PTPRT: variants seen among roughly 807,000 people sequenced by gnomAD.
The protein encoded by PTPRT is protein tyrosine phosphatase receptor type T, also known as receptor-type tyrosine-protein phosphatase T.
A neutral mutation model predicts 176.8 loss-of-function variants in PTPRT; 56 were observed. The observed-to-expected ratio is 0.32, with a 90% confidence interval of 0.26 to 0.40. The LOEUF (loss-of-function observed/expected upper bound fraction) is 0.40, where lower values mean the gene tolerates loss of function less well. Among genes scored for constraint, PTPRT ranks in the 10% least tolerant of loss-of-function variants. The pLI is 1.00. For missense variants in PTPRT, 1,540 were observed against 1,908.2 expected (o/e 0.81, Z 3.60); for synonymous variants, 783 against 739.0 (o/e 1.06, Z -0.96).
intron 12 of PTPRT, among the ~76,000 whole-genome samples, chr20:42,292,802 G>A (rs2057337353): frequency 1.3e-5 from 2 of 152,148 alleles, no homozygotes; most frequent in South Asian, 4.1e-4. Context: ...GATAAGATCT[G>A]GAATCCTTGA....
At chr20:42,118,013 A>G (rs981380187) in intron 21 of PTPRT, among the ~76,000 whole-genome samples, 5 of 152,186 alleles carry the variant, frequency 3.3e-5, no homozygotes, top group Non-Finnish European at 7.3e-5. Flanking sequence ...AGCCATAGGA[A>G]ACAGTTGACA....
chr20:42,283,165 T>C (rs939538297), intron 12 of PTPRT, among the ~76,000 whole-genome samples: 1 of 152,148 alleles, frequency 6.6e-6, no homozygotes, highest in African/African-American at 2.4e-5. Flanking sequence ...GATTCATAAA[T>C]GTGTGATGTT....
chr20:42,240,571 CA>C (rs775278698), intron 14 of PTPRT, among the ~76,000 whole-genome samples: 21 of 152,308 alleles, frequency 1.4e-4, no homozygotes, highest in Non-Finnish European at 2.5e-4. Context: ...ACAATTTAAA[CA>C]GGACAAAGTT....
chr20:42,520,092 T>C (rs1281861439), intron 7 of PTPRT, among the ~76,000 whole-genome samples: 2 of 152,128 alleles, frequency 1.3e-5, no homozygotes, highest in East Asian at 1.9e-4. Context: ...TTGCCCAGAG[T>C]ATCTTATTCT....
rs563771341 is a variant in PTPRT, at chr20:43,015,166, C to A, written c.89-129234G>T. 1.7e-4 allele frequency among the ~76,000 whole-genome samples: 26 copies of A among 152,310 alleles called. 1 individual carries two copies. In the South Asian group the frequency reaches 5.4e-3, roughly 32 times the overall value. ...AACTTGTACGCTAAGGCACTTGTATCTTAGAAAACAGAGAGGTAGAGGGAG... is the reference window on the plus strand; with the variant it reads ...AACTTGTACGCTAAGGCACTTGTATATTAGAAAACAGAGAGGTAGAGGGAG... On this transcript the variant is annotated intron_variant, in intron 1 of 30. Coordinates refer to ENST00000373187, the MANE Select transcript of PTPRT (RefSeq NM_007050.6).
At chr20:43,170,619 A>G (rs2014973034) in intron 1 of PTPRT, among the ~76,000 whole-genome samples, 1 of 152,226 alleles carries the variant, frequency 6.6e-6, no homozygotes, top group Non-Finnish European at 1.5e-5. Context: ...CACCACTGCT[A>G]CTATCCCTCA....
At chr20:42,200,984 A>G (rs1991425652) in intron 15 of PTPRT, among the ~76,000 whole-genome samples, 1 of 152,238 alleles carries the variant, frequency 6.6e-6, no homozygotes, top group Non-Finnish European at 1.5e-5. Flanking sequence ...AAGAGGTAAC[A>G]ATCTCCCTGC....
At chr20:42,349,163 C>T (rs150412732) in intron 11 of PTPRT, among the ~76,000 whole-genome samples, 103 of 152,292 alleles carry the variant, frequency 6.8e-4, no homozygotes, top group African/African-American at 2.4e-3. Flanking sequence ...TCCTAGCCTC[C>T]AGTGACACAA....
intron 6 of PTPRT, among the ~76,000 whole-genome samples, chr20:42,730,602 C>G (rs2076446103): frequency 6.6e-6 from 1 of 152,250 alleles, no homozygotes; most frequent in South Asian, 2.1e-4. Context: ...CTCAGGGAAC[C>G]AAATGCTGTC....
intron 8 of PTPRT, among the ~76,000 whole-genome samples, chr20:42,470,338 G>T (rs919307220): frequency 6.6e-6 from 1 of 152,166 alleles, no homozygotes; most frequent in Non-Finnish European, 1.5e-5. Flanking sequence ...GGCCCACCCT[G>T]AACAGTTCCC....
At chr20:42,900,189 T>C (rs1013870852) in intron 1 of PTPRT, among the ~76,000 whole-genome samples, 2 of 152,192 alleles carry the variant, frequency 1.3e-5, no homozygotes, top group Non-Finnish European at 2.9e-5. Context: ...TAGCAGGTGG[T>C]AGAAGAAAAT....
At chr20:42,357,835 G>A (rs1407710355) in intron 9 of PTPRT, among the ~76,000 whole-genome samples, 2 of 152,118 alleles carry the variant, frequency 1.3e-5, no homozygotes, top group East Asian at 3.9e-4. Flanking sequence ...GATCACTTGA[G>A]CCCTGGAGGT....
chr20:42,471,496 C>T (rs976918339), intron 8 of PTPRT, among the ~76,000 whole-genome samples: 1 of 152,204 alleles, frequency 6.6e-6, no homozygotes, highest in Non-Finnish European at 1.5e-5. Context: ...CCTACTTCAT[C>T]TTCCACCATG....
chr20:42,663,822 T>C (rs1326402903), intron 7 of PTPRT, among the ~76,000 whole-genome samples: 1 of 152,200 alleles, frequency 6.6e-6, no homozygotes, highest in Non-Finnish European at 1.5e-5. Context: ...AATACTAGCA[T>C]AGAATTCCAC....
At chr20:42,500,077 G>A (rs868097718) in intron 7 of PTPRT, among the ~76,000 whole-genome samples, 1 of 151,686 alleles carries the variant, frequency 6.6e-6, no homozygotes, top group South Asian at 2.1e-4. Flanking sequence ...ACTTACCTAG[G>A]TCTTTTAAAA....
chr20:42,411,377 C>T (rs2059014910), intron 9 of PTPRT, among the ~76,000 whole-genome samples: 1 of 151,728 alleles, frequency 6.6e-6, no homozygotes, highest in South Asian at 2.1e-4. Context: ...ATTAGCCAGG[C>T]ATGGTGGTGT....
chr20:42,144,278 TTG>T (rs1988764618), intron 17 of PTPRT, among the ~76,000 whole-genome samples: 2 of 152,178 alleles, frequency 1.3e-5, no homozygotes, highest in South Asian at 4.1e-4. Flanking sequence ...GAATTAAGTG[TTG>T]TGTTTTGGGT....
chr20:43,019,439 T>C (rs1266188468), intron 1 of PTPRT, among the ~76,000 whole-genome samples: 2 of 151,708 alleles, frequency 1.3e-5, no homozygotes, highest in Non-Finnish European at 2.9e-5. Context: ...GCCAACATGG[T>C]GAAACCCCAT....
intron 1 of PTPRT, among the ~76,000 whole-genome samples, chr20:43,144,807 CA>C (rs930057346): frequency 6.6e-6 from 1 of 152,016 alleles, no homozygotes; most frequent in African/African-American, 2.4e-5. Context: ...GTGATGTTTT[CA>C]AAAAGAAAAG....
Sources: allele counts gnomAD v4.1 joint callset (sites outside exome capture counted in the v4.1 genomes callset), GRCh38; gene constraint gnomAD v4.1.1; transcripts MANE v1.5; gene names NCBI Gene and HGNC (gene_info 2026-07-23, HGNC 2026-07-21).